AK9: variants seen among roughly 807,000 people sequenced by gnomAD.
The protein encoded by AK9 is adenylate kinase domain containing 1.
AK9 carries 191 observed loss-of-function variants against 239.6 expected under a neutral mutation model. The ratio of observed to expected loss-of-function variants is 0.80; its 90% CI spans 0.71 to 0.90. AK9 has a LOEUF of 0.90. Ranked by LOEUF, AK9 falls within the 40% of genes least tolerant of loss-of-function variation. The pLI, the probability that AK9 is intolerant of heterozygous loss-of-function variation, is 0.00. For synonymous variants in AK9, 689 were observed against 721.0 expected, an observed-to-expected ratio of 0.96 and a Z score of 0.71; for missense variants, 1,995 against 2,214.7, an observed-to-expected ratio of 0.90 and a Z score of 1.99.
chr6:109,654,267 A>G (rs1799375078), intron 8 of AK9, among the ~76,000 whole-genome samples: 1 of 152,192 alleles, frequency 6.6e-6, no homozygotes, highest in South Asian at 2.1e-4. Context: ...TTATATCAGC[A>G]TTATTCACTT....
intron 20 of AK9, among the ~76,000 whole-genome samples, chr6:109,577,669 G>A (rs1232765303): frequency 2.0e-5 from 3 of 151,950 alleles, no homozygotes; most frequent in Non-Finnish European, 4.4e-5. Flanking sequence ...ACTTGTTATT[G>A]GTCTGTTAGG....
intron 10 of AK9, among the ~76,000 whole-genome samples, chr6:109,634,001 T>C (rs1370626442): frequency 6.6e-6 from 1 of 152,188 alleles, no homozygotes; most frequent in Non-Finnish European, 1.5e-5. Flanking sequence ...TCATCTGTCC[T>C]TGTGGTTCCT....
rs1771015633 is a variant in AK9, at chr6:109,672,162, G to T, written c.187C>A (p.Pro63Thr). Residue 63 changes from proline (P) to threonine (T), a missense_variant, in exon 4 of 41, where the codon CCA becomes ACA. This residue lies in a region of AK9 where 252 missense variants were observed against 246.4 expected (regional missense o/e 1.02). Transcript: ENST00000424296. ...GCAGCAATCTGTTCTTCTAAAATTG[G>T]CAAAGCTAAAACATGAATTCAAAAT... ...AWKCIRVEAL[P>T]ILEEQIAAET... 6.2e-7 allele frequency: 1 copy of T among 1,611,772 alleles called. No homozygotes were observed. Among genetic ancestry groups the T allele is most frequent in the African/African-American group, 1.3e-5 (1 of 74,902 alleles).
At chr6:109,609,252 C>T (rs1793288311) in intron 17 of AK9, among the ~76,000 whole-genome samples, 2 of 152,308 alleles carry the variant, frequency 1.3e-5, no homozygotes, top group East Asian at 3.9e-4. Flanking sequence ...ACATGTCCCT[C>T]ACTTGCAGAT....
chr6:109,672,131 G>C lies in AK9; in HGVS notation c.218C>G (p.Thr73Ser). The change falls in exon 4 of 41, where the codon ACC becomes AGC. Residue 73 changes from threonine to serine, a missense_variant. Around this residue, in one of 5 missense-constraint regions of AK9, gnomAD observed 252 missense variants for 246.4 expected, o/e 1.02. Transcript: ENST00000424296. ...PILEEQIAAE[T>S]ESGVMLQSML... Reference sequence around the variant, plus strand: ...TTTGTTTACCATAACTCCTGATTCGGTTTCAGCAGCAATCTGTTCTTCTAA... The same window carrying C: ...TTTGTTTACCATAACTCCTGATTCGCTTTCAGCAGCAATCTGTTCTTCTAA... 6.2e-7 allele frequency: 1 copy of C among 1,613,238 alleles called. No homozygotes were observed. Among genetic ancestry groups the C allele is most frequent in the Non-Finnish European group, 8.5e-7 (1 of 1,179,664 alleles).
chr6:109,552,534 A>G (rs1327285038), intron 24 of AK9, among the ~76,000 whole-genome samples: 1 of 152,132 alleles, frequency 6.6e-6, no homozygotes, highest in African/African-American at 2.4e-5. Context: ...CATTTGGACT[A>G]CTTTTTGATG....
Position 109,585,867 on chromosome 6 carries a change from T to A in AK9, c.1999+49A>T, listed in dbSNP as rs567232609. ...TCCGTTCTATATTTAACCAAAAATA[T>A]CAATAACAAAACTTCACTTTCAAAT... On this transcript the variant is annotated intron_variant, in intron 18 of 40. Transcript: ENST00000424296. 23 of 1,496,626 alleles carry A rather than the reference T, an allele frequency of 1.5e-5. 1 individual carries two copies. In the South Asian group the frequency reaches 3.0e-4, roughly 20 times the overall value. The allele number at this position is 1,496,626 out of a possible 1,614,324, so 92.7% of individuals were successfully genotyped here.
At chr6:109,506,950 C>T (rs1396039566) in intron 33 of AK9, 150 bp from the exon 34 acceptor site, 1 of 1,245,756 alleles carries the variant, frequency 8.0e-7, no homozygotes, top group Non-Finnish European at 1.1e-6. Flanking sequence ...TTGCCCTCTT[C>T]ATCTCTACAT....
chr6:109,546,152 G>C, intron 25 of AK9, 25 bp from the exon 26 acceptor site: 1 of 1,508,948 alleles, frequency 6.6e-7, no homozygotes, highest in South Asian at 1.2e-5. Context: ...GGGTCAGGGA[G>C]GGGTGGGATA....
chr6:109,633,280 G>T lies in AK9; in HGVS notation c.977C>A (p.Pro326Gln), dbSNP rs775416248. 11 of 1,607,442 alleles carry T rather than the reference G, an allele frequency of 6.8e-6. No homozygotes were observed. The East Asian group carries it at 2.5e-4, about 36-fold the overall frequency. The change falls in exon 11 of 41, where the codon CCA becomes CAA. Residue 326 changes from proline (P) to glutamine (Q), a missense_variant. By Grantham distance (76) the Pro-to-Gln change is moderately conservative. Around this residue, in one of 5 missense-constraint regions of AK9, gnomAD observed 1,290 missense variants for 1,392.7 expected, o/e 0.93. Transcript: ENST00000424296. Reference protein sequence around the residue: ...RTLASYKLIAPRYRWQRSKWG... With the variant: ...RTLASYKLIAQRYRWQRSKWG... Reference sequence around the variant, plus strand: ...TTTACTTCTTTGCCATCTGTATCTTGGTGCAATAAGTTTATAAGATGCAAG... The same window carrying T: ...TTTACTTCTTTGCCATCTGTATCTTTGTGCAATAAGTTTATAAGATGCAAG...
chr6:109,617,579 T>C (rs1400566317), intron 13 of AK9, among the ~76,000 whole-genome samples: 1 of 152,152 alleles, frequency 6.6e-6, no homozygotes, highest in Non-Finnish European at 1.5e-5. Flanking sequence ...GTAATTGTTA[T>C]TTGTAACATT....
At chr6:109,650,059 C>T (rs1432638432) in intron 8 of AK9, among the ~76,000 whole-genome samples, 1 of 152,306 alleles carries the variant, frequency 6.6e-6, no homozygotes, top group South Asian at 2.1e-4. Flanking sequence ...TGGATCTCTT[C>T]CTTACACCTC....
chr6:109,669,346 T>G (rs1801736183), intron 5 of AK9, among the ~76,000 whole-genome samples: 1 of 152,082 alleles, frequency 6.6e-6, no homozygotes, highest in South Asian at 2.1e-4. Flanking sequence ...AGGGACAATT[T>G]GACTTCCTCT....
intron 21 of AK9, among the ~76,000 whole-genome samples, chr6:109,571,029 T>G (rs1310485162): frequency 6.6e-6 from 1 of 152,228 alleles, no homozygotes; most frequent in Non-Finnish European, 1.5e-5. Flanking sequence ...GAAAAGGTTA[T>G]GACAATGATT....
At chr6:109,604,238 A>T (rs1198589393) in intron 17 of AK9, among the ~76,000 whole-genome samples, 1 of 152,002 alleles carries the variant, frequency 6.6e-6, no homozygotes, top group Non-Finnish European at 1.5e-5. Flanking sequence ...TTTTATAGAG[A>T]GTTGGTCATT....
At chr6:109,537,408 T>C (rs1389209815) in intron 27 of AK9, among the ~76,000 whole-genome samples, 1 of 150,766 alleles carries the variant, frequency 6.6e-6, no homozygotes, top group Non-Finnish European at 1.5e-5. Context: ...GTTTATAGTA[T>C]TCTCTGATGG....
At chr6:109,528,426 G>T in intron 29 of AK9, 1 of 395,456 alleles carries the variant, frequency 2.5e-6, no homozygotes, top group Non-Finnish European at 5.1e-6. Context: ...AATGTTTGCT[G>T]ATGGACTGAA....
At chr6:109,669,118 T>C (rs1372464849) in intron 5 of AK9, among the ~76,000 whole-genome samples, 1 of 151,328 alleles carries the variant, frequency 6.6e-6, no homozygotes, top group East Asian at 2.0e-4. Context: ...TCACATCCCT[T>C]GTAAGTTGGA....
At chr6:109,498,847 T>C (rs1415136454) in intron 36 of AK9, among the ~76,000 whole-genome samples, 197 bp downstream of exon 36, 1 of 152,256 alleles carries the variant, frequency 6.6e-6, no homozygotes, top group Non-Finnish European at 1.5e-5. Context: ...CCTGGACTCC[T>C]GCAATGTTTC....
Sources: gnomAD v4.1 joint callset for allele counts (sites outside exome capture counted in the v4.1 genomes callset) on GRCh38, gnomAD v4.1.1 for gene constraint, gnomAD v4.1.1 regional missense constraint, MANE v1.5 for transcripts, NCBI Gene and HGNC (gene_info 2026-07-23, HGNC 2026-07-21) for gene names.